The following MBOAT1 variants were observed in gnomAD, a reference collection of about 807,000 sequenced individuals.
The protein encoded by MBOAT1 is membrane bound glycerophospholipid O-acyltransferase 1.
MBOAT1 carries 67 observed loss-of-function variants against 64.4 expected under a neutral mutation model. The observed-to-expected ratio is 1.04, with a 90% CI of 0.85 to 1.27. MBOAT1 has a LOEUF of 1.27. Among genes scored for constraint, MBOAT1 ranks in the 50% most tolerant of loss-of-function variants. The pLI is 0.00. For synonymous variants in MBOAT1, 229 were observed against 218.9 expected (o/e 1.05, Z -0.41); for missense variants, 563 against 604.6 (o/e 0.93, Z 0.72).
At chr6:20,144,102 TACCAACTGATTTA>T in intron 4 of MBOAT1, 105 bp downstream of exon 4, 1 of 678,502 alleles carries the variant, frequency 1.5e-6, no homozygotes, top group Non-Finnish European at 2.6e-6. Context: ...AGCAGTGTCT[TACCAACTGATTTA>T]ACCAAGCACC....
chr6:20,115,188 G>T lies in MBOAT1; in HGVS notation c.1076+100C>A, dbSNP rs543893215. The T allele has an allele frequency of 3.7e-4, 309 of 846,162 alleles. 2 individuals carry two copies. The East Asian group carries it at 7.4e-3, about 20-fold the overall frequency. 52.4% of individuals were successfully genotyped at this position (846,162 alleles called of 1,614,324 possible). On this transcript the variant is annotated intron_variant, in intron 10 of 12. Transcript: ENST00000324607. Reference sequence around the variant, plus strand: ...ATGTTAATACAAAACAAGAGTGTCAGATGACATTGCCACAGGCAGACTCCC... The same window carrying T: ...ATGTTAATACAAAACAAGAGTGTCATATGACATTGCCACAGGCAGACTCCC...
At chr6:20,154,300 G>A (rs955949628) in intron 1 of MBOAT1, among the ~76,000 whole-genome samples, 1 of 152,170 alleles carries the variant, frequency 6.6e-6, no homozygotes, top group Non-Finnish European at 1.5e-5. Context: ...GGGAAGCCGA[G>A]GCGGGCAGGT....
chr6:20,111,825 C>CATAT (rs199620655), intron 11 of MBOAT1, among the ~76,000 whole-genome samples: 10 of 110,874 alleles, frequency 9.0e-5, no homozygotes, highest in African/African-American at 2.9e-4. Context: ...CATATATATA[C>CATAT]ATATATATAC....
intron 1 of MBOAT1, among the ~76,000 whole-genome samples, chr6:20,160,930 T>C (rs564247713): frequency 7.9e-5 from 12 of 152,316 alleles, no homozygotes; most frequent in Non-Finnish European, 1.5e-4. Context: ...TTACTTAAGA[T>C]TGATAATCAA....
intron 1 of MBOAT1, among the ~76,000 whole-genome samples, chr6:20,175,559 G>C (rs1762317968): frequency 6.6e-6 from 1 of 151,784 alleles, no homozygotes; most frequent in African/African-American, 2.4e-5. Flanking sequence ...CGATTCTCCT[G>C]TCTCAGCCTC....
At chr6:20,191,585 A>G (rs567900750) in intron 1 of MBOAT1, among the ~76,000 whole-genome samples, 22 of 152,332 alleles carry the variant, frequency 1.4e-4, no homozygotes, top group Admixed American at 7.2e-4. Context: ...TGACTTGACC[A>G]GCACAGAGTG....
chr6:20,123,416 G>A (rs948716474), intron 8 of MBOAT1, among the ~76,000 whole-genome samples: 2 of 152,118 alleles, frequency 1.3e-5, no homozygotes, highest in Non-Finnish European at 2.9e-5. Context: ...CAGGGCTTCC[G>A]TACTTTATCA....
At chr6:20,115,750 T>C (rs1170264323) in intron 9 of MBOAT1, among the ~76,000 whole-genome samples, 1 of 152,192 alleles carries the variant, frequency 6.6e-6, no homozygotes, top group Non-Finnish European at 1.5e-5. Flanking sequence ...ACAGCTTAAA[T>C]TTAATCGTCA....
chr6:20,113,260 C>T (rs1760226706), intron 10 of MBOAT1, among the ~76,000 whole-genome samples: 1 of 152,196 alleles, frequency 6.6e-6, no homozygotes, highest in Non-Finnish European at 1.5e-5. Context: ...CCTCCATAGA[C>T]TAAATGATCT....
chr6:20,184,707 C>T (rs1006603714), intron 1 of MBOAT1, among the ~76,000 whole-genome samples: 1 of 152,100 alleles, frequency 6.6e-6, no homozygotes, highest in African/African-American at 2.4e-5. Flanking sequence ...CTGCCATCAT[C>T]TTACCATTCT....
At chr6:20,113,826 A>C (rs1760244280) in intron 10 of MBOAT1, among the ~76,000 whole-genome samples, 1 of 150,740 alleles carries the variant, frequency 6.6e-6, no homozygotes. Context: ...ATAATAAAAA[A>C]TAAATAAATA....
At chr6:20,203,909 ACTTTGCTTGTTATT>A (rs956562677) in intron 1 of MBOAT1, among the ~76,000 whole-genome samples, 6 of 152,068 alleles carry the variant, frequency 3.9e-5, no homozygotes, top group Non-Finnish European at 8.8e-5. Context: ...AAGGAAAGTA[ACTTTGCTTGTTATT>A]CTTTGCTTCT....
At chr6:20,188,667 T>C (rs182651280) in intron 1 of MBOAT1, among the ~76,000 whole-genome samples, 32 of 152,324 alleles carry the variant, frequency 2.1e-4, no homozygotes, top group Admixed American at 8.5e-4. Context: ...GAATTTCTGG[T>C]AGCTCCATGC....
chr6:20,185,936 C>A (rs1762638836), intron 1 of MBOAT1, among the ~76,000 whole-genome samples: 1 of 152,110 alleles, frequency 6.6e-6, no homozygotes, highest in Non-Finnish European at 1.5e-5. Flanking sequence ...AATCCCGATG[C>A]TTTGGGAGGC....
rs141945086 is a variant in MBOAT1 at position 20,199,900 on chromosome 6, G to A, written c.99+12236C>T. On this transcript the variant is annotated intron_variant, in intron 1 of 12. Coordinates refer to ENST00000324607, the MANE Select transcript of MBOAT1 (RefSeq NM_001080480.3). ...GGAGAATCGCTTGAAACCAGAGGGC[G>A]GAGGTTGCAGTGAGCCAAGATCGTG... is the stretch of plus-strand genomic sequence containing the variant. 9.6e-3 allele frequency among the ~76,000 whole-genome samples: 1,458 copies of A among 152,236 alleles called. 20 individuals are homozygous for A. The highest frequency in any genetic ancestry group is 0.033 in the African/African-American group (1,359 of 41,552).
intron 10 of MBOAT1, among the ~76,000 whole-genome samples, chr6:20,115,063 G>A (rs572799089): frequency 6.6e-6 from 1 of 152,174 alleles, no homozygotes; most frequent in African/African-American, 2.4e-5. Flanking sequence ...ACCAGGGCCT[G>A]GTATACAGGA....
In MBOAT1 at chr6:20,102,243, C is replaced by G. The variant is rs1292897988; in HGVS notation, c.*43G>C. ...CTTGAAGCCTTGTCATCTCATCTTTCGAACGTTCTGCAGTTTTGCTTGTTC... is the reference window on the plus strand; with the variant it reads ...CTTGAAGCCTTGTCATCTCATCTTTGGAACGTTCTGCAGTTTTGCTTGTTC... On this transcript the variant is annotated 3_prime_UTR_variant, in exon 13 of 13. Coordinates refer to ENST00000324607, the MANE Select transcript of MBOAT1 (RefSeq NM_001080480.3). 1.3e-6 allele frequency: 2 copies of G among 1,593,622 alleles called. No individual in the cohort carries two copies. The highest frequency in any genetic ancestry group is 1.7e-5 in the Admixed American group (1 of 58,156).
At chr6:20,192,732 C>T (rs1762836457) in intron 1 of MBOAT1, among the ~76,000 whole-genome samples, 1 of 152,148 alleles carries the variant, frequency 6.6e-6, no homozygotes, top group Non-Finnish European at 1.5e-5. Context: ...TCATAACAAC[C>T]CCTTCATGTA....
intron 1 of MBOAT1, among the ~76,000 whole-genome samples, chr6:20,183,947 A>G (rs114572846): frequency 0.023 from 3,449 of 152,276 alleles, 122 homozygotes; most frequent in African/African-American, 0.078. Flanking sequence ...AACCCCCAAT[A>G]AACCCATCAG....
Sources: allele counts gnomAD v4.1 joint callset (sites outside exome capture counted in the v4.1 genomes callset), GRCh38; gene constraint gnomAD v4.1.1; transcripts MANE v1.5; gene names NCBI Gene and HGNC (gene_info 2026-07-23, HGNC 2026-07-21).